Variants in KLF13 observed in about 807,000 individuals in gnomAD.
KLF13 encodes the protein KLF transcription factor 13, also known as Krueppel-like factor 13.
KLF13 carries 8 observed loss-of-function variants against 16.7 expected under a neutral mutation model. The observed-to-expected ratio is 0.48, with a 90% CI of 0.28 to 0.87. The LOEUF (loss-of-function observed/expected upper bound fraction) is 0.87. Ranked by LOEUF, KLF13 falls within the 40% of genes least tolerant of loss-of-function variation. The pLI, the probability that KLF13 is intolerant of heterozygous loss-of-function variation, is 0.10. For missense variants in KLF13, 447 were observed against 452.2 expected (o/e 0.99, Z 0.10); for synonymous variants, 245 against 208.4 (o/e 1.18, Z -1.51).
chr15:31,396,056 G>A (rs868508001), intron 2 of KLF13, among the ~76,000 whole-genome samples: 4 of 152,108 alleles, frequency 2.6e-5, no homozygotes, highest in East Asian at 1.9e-4. Flanking sequence ...ACGGAGTTTC[G>A]CTCTTGTTTC....
At chr15:31,426,747 T>C (rs898220520) in intron 1 of KLF13, among the ~76,000 whole-genome samples, 3 of 152,136 alleles carry the variant, frequency 2.0e-5, no homozygotes, top group Non-Finnish European at 4.4e-5. Context: ...TAAAGCAATA[T>C]TTGTAGGTGT....
intron 2 of KLF13, among the ~76,000 whole-genome samples, chr15:31,399,421 T>A (rs2040002334): frequency 6.6e-6 from 1 of 152,210 alleles, no homozygotes; most frequent in African/African-American, 2.4e-5. Flanking sequence ...CACCTCGGCC[T>A]CCCAAAGTGC....
chr15:31,399,185 C>T (rs1460338719), intron 2 of KLF13, among the ~76,000 whole-genome samples: 2 of 152,204 alleles, frequency 1.3e-5, no homozygotes, highest in Non-Finnish European at 2.9e-5. Context: ...GTGGGGGCAA[C>T]CCACATGGCA....
Position 31,417,545 on chromosome 15 carries a change from T to C in KLF13, n.118-17825T>C, listed in dbSNP as rs142779142. Among the ~76,000 whole-genome samples, 29 of 152,084 alleles carry C rather than the reference T, an allele frequency of 1.9e-4. 2 individuals carry two copies. The highest frequency in any genetic ancestry group is 6.8e-4 in the African/African-American group (28 of 41,478). ...TCTAGTCTCTGGTATTCTGTCTTTTTTTTCCTTTTTTTTAAAACAGAGTTT... is the reference window on the plus strand; with the variant it reads ...TCTAGTCTCTGGTATTCTGTCTTTTCTTTCCTTTTTTTTAAAACAGAGTTT... On this transcript the variant is annotated intron_variant and non_coding_transcript_variant, in intron 1 of 1. Coordinates refer to the KLF13 transcript ENST00000558225.
At chr15:31,403,361 CT>C (rs1400563026) in intron 2 of KLF13, 10 of 152,180 alleles carry the variant, frequency 6.6e-5, no homozygotes, top group African/African-American at 2.2e-4. Flanking sequence ...ATGCTGTCGG[CT>C]GGGGATGCTT....
At chr15:31,369,765 C>G (rs1318492660) in intron 1 of KLF13, among the ~76,000 whole-genome samples, 1 of 152,182 alleles carries the variant, frequency 6.6e-6, no homozygotes, top group Non-Finnish European at 1.5e-5. Flanking sequence ...GGTTTTATCT[C>G]ATTTTAGCTG....
chr15:31,412,514 C>T lies in KLF13; in HGVS notation n.117+18823C>T, dbSNP rs1392151313. Among the ~76,000 whole-genome samples, 8 of 151,930 alleles carry T rather than the reference C, an allele frequency of 5.3e-5. No homozygotes were observed. The East Asian group carries it at 1.5e-3, about 29-fold the overall frequency. Reference sequence around the variant, plus strand: ...TTCTAGAATTAATAAAAGAGTTTAGCTAGGATACAAGGATACAAGTTTAAT... The same window carrying T: ...TTCTAGAATTAATAAAAGAGTTTAGTTAGGATACAAGGATACAAGTTTAAT... On this transcript the variant is annotated intron_variant and non_coding_transcript_variant, in intron 1 of 1. Coordinates refer to the KLF13 transcript ENST00000558225.
chr15:31,411,222 A>G (rs1012377870), intron 1 of KLF13, among the ~76,000 whole-genome samples: 3 of 152,208 alleles, frequency 2.0e-5, no homozygotes, highest in Non-Finnish European at 4.4e-5. Flanking sequence ...AACAATCATC[A>G]ATATAAATTA....
chr15:31,415,656 T>C (rs2040246466), intron 1 of KLF13, among the ~76,000 whole-genome samples: 1 of 152,076 alleles, frequency 6.6e-6, no homozygotes, highest in African/African-American at 2.4e-5. Flanking sequence ...TAGAGGGAAA[T>C]TTATAGCTGT....
chr15:31,359,593 G>A (rs12592541), intron 1 of KLF13, among the ~76,000 whole-genome samples: 69,326 of 152,104 alleles, frequency 0.46, 16,108 homozygotes, highest in East Asian at 0.56. Context: ...TTTGATGAAG[G>A]CAGAAATGCA....
At chr15:31,394,216 C>T (rs1177047290) in intron 2 of KLF13, among the ~76,000 whole-genome samples, 1 of 152,076 alleles carries the variant, frequency 6.6e-6, no homozygotes, top group African/African-American at 2.4e-5. Flanking sequence ...GTGGCTCACG[C>T]CTGAAATCCT....
intron 1 of KLF13, among the ~76,000 whole-genome samples, chr15:31,367,204 G>A (rs2039488501): frequency 1.3e-5 from 2 of 152,162 alleles, no homozygotes; most frequent in Admixed American, 1.3e-4. Flanking sequence ...ACTACCAGGG[G>A]ACCCAGCCAG....
At chr15:31,420,325 C>A in intron 1 of KLF13, 1 of 1,003,608 alleles carries the variant, frequency 1.0e-6, no homozygotes, top group Non-Finnish European at 1.5e-6. Context: ...TAGGGACCAT[C>A]CATGGAGCAG....
At chr15:31,328,229 T>A (rs1344181674) in intron 1 of KLF13, among the ~76,000 whole-genome samples, 1 of 150,082 alleles carries the variant, frequency 6.7e-6, no homozygotes, top group East Asian at 2.0e-4. Flanking sequence ...CCTCCCCCGC[T>A]GCCCGGGCGC....
chr15:31,435,048 T>A (rs2040513634), intron 1 of KLF13, among the ~76,000 whole-genome samples: 1 of 152,190 alleles, frequency 6.6e-6, no homozygotes, highest in Non-Finnish European at 1.5e-5. Flanking sequence ...CCTCCTTGAA[T>A]CACCCTGGCC....
intron 1 of KLF13, among the ~76,000 whole-genome samples, chr15:31,418,441 G>T (rs1414229923): frequency 6.6e-6 from 1 of 152,126 alleles, no homozygotes; most frequent in African/African-American, 2.4e-5. Context: ...CAAACCAAAA[G>T]TTGCTTCTTT....
upstream of KLF13, among the ~76,000 whole-genome samples, chr15:31,388,269 T>C (rs951397997): frequency 1.3e-5 from 2 of 152,150 alleles, no homozygotes; most frequent in African/African-American, 4.8e-5. Context: ...TGTGTACAGT[T>C]GGTGACAGTT....
rs71110871 is a variant in KLF13, at chr15:31,410,582, AACACACACACACAC to A, written n.117+16922_117+16935del. 9.2e-4 allele frequency among the ~76,000 whole-genome samples: 135 copies of A among 146,952 alleles called. 2 individuals are homozygous for A. The highest frequency in any genetic ancestry group is 2.0e-3 in the East Asian group (10 of 5,010). ...ACCATGCAGACAGTAAACACCAACCAACACACACACACACACACACACACACACACACACACACA... is the reference window on the plus strand; with the variant it reads ...ACCATGCAGACAGTAAACACCAACCAACACACACACACACACACACACACA... On this transcript the variant is annotated intron_variant and non_coding_transcript_variant, in intron 1 of 1. Coordinates refer to the KLF13 transcript ENST00000558225.
chr15:31,417,005 A>C (rs1190940526), intron 1 of KLF13, among the ~76,000 whole-genome samples: 1 of 152,156 alleles, frequency 6.6e-6, no homozygotes, highest in Admixed American at 6.5e-5. Context: ...TGTTATGAGT[A>C]ATTATCGTGA....
Sources: allele counts gnomAD v4.1 joint callset (sites outside exome capture counted in the v4.1 genomes callset), GRCh38; gene constraint gnomAD v4.1.1; transcripts MANE v1.5; gene names NCBI Gene and HGNC (gene_info 2026-07-23, HGNC 2026-07-21).